Variants in GPR141 observed in about 807,000 individuals in gnomAD.
GPR141 encodes G protein-coupled receptor 141.
GPR141 carries 6 observed loss-of-function variants against 6.8 expected under a neutral mutation model. The observed-to-expected ratio is 0.88, with a 90% CI of 0.48 to 1.74. The LOEUF is 1.74. Among genes scored for constraint, GPR141 ranks in the 40% most tolerant of loss-of-function variants. The probability of loss-of-function intolerance (pLI) is 0.01; values close to 1 mark genes in which losing one functional copy is unlikely to be tolerated. For synonymous variants in GPR141, 140 were observed against 142.3 expected (o/e 0.98, Z 0.11); for missense variants, 372 against 372.9 (o/e 1.00, Z 0.02).
chr7:37,721,858 A>C (rs1197193688), intron 2 of GPR141, among the ~76,000 whole-genome samples: 2 of 152,224 alleles, frequency 1.3e-5, no homozygotes, highest in Admixed American at 6.5e-5. Context: ...GGTTACTTGA[A>C]GGATATATTT....
At chr7:37,714,618 C>G (rs1420681901) in intron 2 of GPR141, among the ~76,000 whole-genome samples, 2 of 152,230 alleles carry the variant, frequency 1.3e-5, no homozygotes, top group African/African-American at 4.8e-5. Flanking sequence ...AGAAGTCAAA[C>G]TAATTTCAAT....
In GPR141 at chr7:37,741,829, A is replaced by G. The variant is rs1254735396; in HGVS notation, c.*518A>G. On this transcript the variant is annotated 3_prime_UTR_variant, in exon 3 of 3. Coordinates refer to ENST00000334425, the MANE Select transcript of GPR141 (RefSeq NM_001381946.1). ...AACTGATAAGGGGAGAGAATAGTTA[A>G]AAATTTTTCTAGGGTATCATAACTC... Among the ~76,000 whole-genome samples the G allele has an allele frequency of 6.6e-6, 1 of 152,168 alleles. No individual in the cohort carries two copies. Among genetic ancestry groups the G allele is most frequent in the Non-Finnish European group, 1.5e-5 (1 of 68,026 alleles).
intron 2 of GPR141, among the ~76,000 whole-genome samples, chr7:37,692,405 A>G (rs1180608136): frequency 6.6e-6 from 1 of 152,132 alleles, no homozygotes; most frequent in Non-Finnish European, 1.5e-5. Flanking sequence ...ATTTATGGGC[A>G]TTTGGGTTGG....
In GPR141 at chr7:37,726,094, G is replaced by A. The variant is rs1008586223; in HGVS notation, c.-14-14286G>A. On this transcript the variant is annotated intron_variant, in intron 2 of 2. Transcript: ENST00000334425. ...TCACTGCCACCATGTGGAAACCAAT[G>A]GGTGTTTTAATTTGGTATGAACATG... Among the ~76,000 whole-genome samples the A allele has an allele frequency of 2.0e-5, 3 of 152,160 alleles. No homozygotes were observed. The East Asian group carries it at 5.8e-4, about 29-fold the overall frequency.
At chr7:37,718,895 A>C (rs969840696) in intron 2 of GPR141, among the ~76,000 whole-genome samples, 3 of 152,246 alleles carry the variant, frequency 2.0e-5, no homozygotes, top group African/African-American at 7.2e-5. Context: ...AAGATGCAGT[A>C]TCTTAAGCAG....
intron 2 of GPR141, chr7:37,713,468 T>A (rs1297900677): frequency 8.5e-5 from 13 of 152,204 alleles, no homozygotes; most frequent in Admixed American, 3.9e-4. Context: ...TAATTTATAA[T>A]GCTTTCCTAT....
chr7:37,742,642 TAGGTTGCATGAAGA>T lies in GPR141; in HGVS notation c.*1337_*1350del, dbSNP rs1357422672. 6.6e-6 allele frequency among the ~76,000 whole-genome samples: 1 copy of T among 152,162 alleles called. No homozygotes were observed. The highest frequency in any genetic ancestry group is 1.5e-5 in the Non-Finnish European group (1 of 68,026). ...ACCATTAATTTAGACTCTGTGAGAT[TAGGTTGCATGAAGA>T]AGGTTTTCTGAATATTTGAAGAGTG... On this transcript the variant is annotated 3_prime_UTR_variant, in exon 3 of 3. Transcript: ENST00000334425.
At chr7:37,737,258 CT>C (rs1418105495) in intron 2 of GPR141, among the ~76,000 whole-genome samples, 1 of 152,078 alleles carries the variant, frequency 6.6e-6, no homozygotes, top group African/African-American at 2.4e-5. Context: ...TTTATAATGT[CT>C]TTCTTAAAAC....
chr7:37,706,536 C>T (rs570534072), intron 2 of GPR141, among the ~76,000 whole-genome samples: 85 of 152,172 alleles, frequency 5.6e-4, no homozygotes, highest in African/African-American at 1.9e-3. Context: ...CTTCCCTGAC[C>T]CCCCACCATA....
In GPR141 at chr7:37,689,874, AT is replaced by A. The variant is rs1319432929; in HGVS notation, c.-15+4299del. On this transcript the variant is annotated intron_variant, in intron 2 of 2. Transcript: ENST00000334425. ...AAGTTTTTGTTTCATTTCTCTTGTT[AT>A]TTTTTTTCAGTTTCAATTTCATTTA... Among the ~76,000 whole-genome samples the A allele has an allele frequency of 6.2e-5, 9 of 145,130 alleles. No individual in the cohort carries two copies. The East Asian group carries it at 1.7e-3, about 27-fold the overall frequency.
chr7:37,703,307 T>A lies in GPR141; in HGVS notation c.-15+17724T>A, dbSNP rs559688249. Among the ~76,000 whole-genome samples, 36 of 152,330 alleles carry A rather than the reference T, an allele frequency of 2.4e-4. 1 individual carries two copies. The highest frequency in any genetic ancestry group is 3.8e-4 in the Non-Finnish European group (26 of 68,022). On this transcript the variant is annotated intron_variant, in intron 2 of 2. Transcript: ENST00000334425. ...GCTGCCTTTAATATCAGCTTCTTTT[T>A]CCTTAGTATTCTGTGGTTTCACTAT...
chr7:37,711,348 G>A (rs1023102925), intron 2 of GPR141, among the ~76,000 whole-genome samples: 4 of 152,168 alleles, frequency 2.6e-5, no homozygotes, highest in African/African-American at 9.7e-5. Context: ...CTAAATAACA[G>A]CTAACGGGAG....
At position 37,740,601 on chromosome 7, in the gene GPR141, C is replaced by A. The variant is rs571386238; in HGVS notation, c.208C>A (p.Pro70Thr). Reference protein sequence around the residue: ...VVHSVFLLTVPFRLTYLIKKT... With the variant: ...VVHSVFLLTVTFRLTYLIKKT... ...CCACAGCGTTTTTCTGCTGACAGTG[C>A]CATTTCGCTTGACCTACCTCATCAA... Residue 70 changes from proline (P) to threonine (T), a missense_variant, in exon 3 of 3, where the codon CCA becomes ACA. Coordinates refer to ENST00000334425, the MANE Select transcript of GPR141 (RefSeq NM_001381946.1). 7 of 1,614,020 alleles carry A rather than the reference C, an allele frequency of 4.3e-6. No homozygotes were observed. The African/African-American group carries it at 9.3e-5, about 22-fold the overall frequency.
chr7:37,690,696 T>C (rs1445015648), intron 2 of GPR141, among the ~76,000 whole-genome samples: 2 of 152,186 alleles, frequency 1.3e-5, no homozygotes, highest in African/African-American at 4.8e-5. Flanking sequence ...TTCAATTCTT[T>C]TAAATGTGTT....
At chr7:37,699,294 G>A (rs1810164491) in intron 2 of GPR141, among the ~76,000 whole-genome samples, 1 of 152,206 alleles carries the variant, frequency 6.6e-6, no homozygotes, top group Non-Finnish European at 1.5e-5. Context: ...AGGCATGGTG[G>A]CTCACACCTG....
chr7:37,716,666 T>A (rs971041562), intron 2 of GPR141, among the ~76,000 whole-genome samples: 3 of 152,232 alleles, frequency 2.0e-5, no homozygotes, highest in Admixed American at 6.5e-5. Flanking sequence ...AATTTCTTGT[T>A]GGCTGAAAAA....
Position 37,742,558 on chromosome 7 carries a change from T to G in GPR141, c.*1247T>G, listed in dbSNP as rs1434390872. Reference sequence around the variant, plus strand: ...ATGGTTTCCAGGTTAAAATTATATATTTTTAAATAAATGAAAACTGTGTTT... The same window carrying G: ...ATGGTTTCCAGGTTAAAATTATATAGTTTTAAATAAATGAAAACTGTGTTT... On this transcript the variant is annotated 3_prime_UTR_variant, in exon 3 of 3. Coordinates refer to ENST00000334425, the MANE Select transcript of GPR141 (RefSeq NM_001381946.1). Among the ~76,000 whole-genome samples, 1 of 152,130 alleles carries G rather than the reference T, an allele frequency of 6.6e-6. No individual in the cohort carries two copies. Among genetic ancestry groups the G allele is most frequent in the Non-Finnish European group, 1.5e-5 (1 of 68,020 alleles).
At chr7:37,733,879 T>C (rs1198905523) in intron 2 of GPR141, among the ~76,000 whole-genome samples, 1 of 152,178 alleles carries the variant, frequency 6.6e-6, no homozygotes. Context: ...TCTCATAAAT[T>C]AATCAATATT....
At chr7:37,707,125 G>A (rs1479628455) in intron 2 of GPR141, among the ~76,000 whole-genome samples, 1 of 152,086 alleles carries the variant, frequency 6.6e-6, no homozygotes, top group Non-Finnish European at 1.5e-5. Context: ...GATTTCTCAG[G>A]GGCAGGGTAA....
Sources: gnomAD v4.1 joint callset for allele counts (sites outside exome capture counted in the v4.1 genomes callset) on GRCh38, gnomAD v4.1.1 for gene constraint, MANE v1.5 for transcripts, NCBI Gene and HGNC (gene_info 2026-07-23, HGNC 2026-07-21) for gene names.